The following TASP1 variants were observed in gnomAD, a reference collection of about 807,000 sequenced individuals.
The protein encoded by TASP1 is threonine aspartase 1.
A neutral mutation model predicts 56.6 loss-of-function variants in TASP1; 16 were observed. The ratio of observed to expected loss-of-function variants is 0.28; its 90% CI spans 0.19 to 0.43. The LOEUF is 0.43. Among genes scored for constraint, TASP1 ranks in the 20% least tolerant of loss-of-function variants. The probability of loss-of-function intolerance (pLI) is 1.00; values close to 1 mark genes in which losing one functional copy is unlikely to be tolerated. For synonymous variants in TASP1, 179 were observed against 184.2 expected (o/e 0.97, Z 0.23); for missense variants, 393 against 511.6 (o/e 0.77, Z 2.24).
chr20:13,605,398 T>C (rs746905579), intron 4 of TASP1, among the ~76,000 whole-genome samples: 11 of 152,224 alleles, frequency 7.2e-5, no homozygotes, highest in South Asian at 2.1e-4. Context: ...AATCAGCCTA[T>C]ATACTAACTT....
chr20:13,452,474 T>TA (rs2146299485), intron 11 of TASP1, among the ~76,000 whole-genome samples: 2 of 151,794 alleles, frequency 1.3e-5, no homozygotes, highest in East Asian at 3.9e-4. Flanking sequence ...AATTTACTTA[T>TA]ATAAAGCTAG....
At chr20:13,171,934 T>C in the TASP1 span, among the ~76,000 whole-genome samples, 3 of 152,072 alleles carry the variant, frequency 2.0e-5, no homozygotes, top group Non-Finnish European at 4.4e-5. Context: ...TAGGCTGATA[T>C]GTAAAGGAAC....
intron 4 of TASP1, among the ~76,000 whole-genome samples, chr20:13,619,063 C>T (rs1230855461): frequency 5.9e-5 from 9 of 151,938 alleles, no homozygotes; most frequent in African/African-American, 1.9e-4. Context: ...TTATTAGAGA[C>T]GGGGTTTCAC....
chr20:13,324,834 C>T, the TASP1 span, among the ~76,000 whole-genome samples: 1 of 152,298 alleles, frequency 6.6e-6, no homozygotes, highest in African/African-American at 2.4e-5. Flanking sequence ...TTAGAAATAA[C>T]CTAGTTTAAG....
chr20:13,621,592 T>TA (rs1486568016), intron 4 of TASP1, among the ~76,000 whole-genome samples: 3 of 152,220 alleles, frequency 2.0e-5, no homozygotes, highest in Non-Finnish European at 4.4e-5. Flanking sequence ...TCCACATTCT[T>TA]AAAAAAACAC....
the TASP1 span, among the ~76,000 whole-genome samples, chr20:13,373,184 C>T: frequency 8.5e-3 from 1,287 of 152,092 alleles, 31 homozygotes; most frequent in Non-Finnish European, 8.7e-3. Context: ...CTCCACCCAT[C>T]TCCTTTAAGT....
At chr20:13,306,549 GAGA>G in the TASP1 span, among the ~76,000 whole-genome samples, 3 of 89,812 alleles carry the variant, frequency 3.3e-5, no homozygotes, top group Non-Finnish European at 6.1e-5. Flanking sequence ...TCAGCAAATG[GAGA>G]AGGAGAAAGG....
At chr20:13,221,276 C>T in the TASP1 span, among the ~76,000 whole-genome samples, 23 of 131,288 alleles carry the variant, frequency 1.8e-4, no homozygotes, top group Non-Finnish European at 2.7e-4. Flanking sequence ...TCCTTCTCCT[C>T]CTCCTCCTCC....
intron 12 of TASP1, among the ~76,000 whole-genome samples, chr20:13,431,067 T>C (rs962514820): frequency 7.2e-5 from 11 of 152,150 alleles, no homozygotes; most frequent in African/African-American, 2.7e-4. Context: ...CAGTAGGAGA[T>C]TGTGTGATTA....
the TASP1 span, among the ~76,000 whole-genome samples, chr20:13,318,245 C>A: frequency 6.6e-6 from 1 of 152,066 alleles, no homozygotes; most frequent in South Asian, 2.1e-4. Flanking sequence ...TATTTCACAT[C>A]ATATGTCATC....
At chr20:13,530,868 C>A (rs902191419) in intron 9 of TASP1, among the ~76,000 whole-genome samples, 1 of 152,068 alleles carries the variant, frequency 6.6e-6, no homozygotes, top group Admixed American at 6.6e-5. Context: ...CTTAAGCAAG[C>A]CTTTAAAAAC....
chr20:13,504,274 C>T (rs916748367), intron 10 of TASP1, among the ~76,000 whole-genome samples: 2 of 151,582 alleles, frequency 1.3e-5, no homozygotes, highest in Non-Finnish European at 2.9e-5. Flanking sequence ...ACCTTGCAGG[C>T]CAGGAGAGAG....
intron 12 of TASP1, among the ~76,000 whole-genome samples, chr20:13,424,883 T>G (rs1379962682): frequency 6.6e-6 from 1 of 152,140 alleles, no homozygotes; most frequent in Non-Finnish European, 1.5e-5. Flanking sequence ...ACACAGAGAT[T>G]TGGCACAATT....
intron 10 of TASP1, among the ~76,000 whole-genome samples, chr20:13,497,283 G>A (rs1460200835): frequency 6.6e-6 from 1 of 152,160 alleles, no homozygotes; most frequent in African/African-American, 2.4e-5. Context: ...TTACTGCAAG[G>A]CAGCAGCCAC....
At chr20:13,442,092 C>G (rs1198681407) in intron 11 of TASP1, among the ~76,000 whole-genome samples, 1 of 152,068 alleles carries the variant, frequency 6.6e-6, no homozygotes. Flanking sequence ...CTAAGATTTC[C>G]CCCTGGGCCC....
chr20:13,266,853 C>T, the TASP1 span, among the ~76,000 whole-genome samples: 96 of 152,102 alleles, frequency 6.3e-4, no homozygotes, highest in Non-Finnish European at 4.0e-4. Context: ...GAATAATTCA[C>T]GTGGAATACT....
At chr20:13,413,404 A>G (rs2042154825) in intron 13 of TASP1, among the ~76,000 whole-genome samples, 1 of 152,144 alleles carries the variant, frequency 6.6e-6, no homozygotes, top group Admixed American at 6.5e-5. Context: ...GCTGAGTAAT[A>G]TAACAAAAAA....
chr20:13,510,357 A>G (rs2044284294), intron 10 of TASP1, among the ~76,000 whole-genome samples: 1 of 152,196 alleles, frequency 6.6e-6, no homozygotes, highest in East Asian at 1.9e-4. Flanking sequence ...CAAGAAGCAA[A>G]GCAGAACATA....
intron 6 of TASP1, among the ~76,000 whole-genome samples, chr20:13,572,785 T>C (rs1214967956): frequency 1.3e-5 from 2 of 151,828 alleles, no homozygotes; most frequent in African/African-American, 4.8e-5. Context: ...TGATAGGAAT[T>C]ACAATCTCAT....
Sources: allele counts gnomAD v4.1 joint callset (sites outside exome capture counted in the v4.1 genomes callset), GRCh38; gene constraint gnomAD v4.1.1; transcripts MANE v1.5; gene names NCBI Gene and HGNC (gene_info 2026-07-23, HGNC 2026-07-21).